The following GPATCH2 variants were observed in gnomAD, a reference collection of about 807,000 sequenced individuals.
The protein encoded by GPATCH2 is G patch domain-containing protein 2.
Under a neutral mutation model 58.0 loss-of-function variants are expected in GPATCH2, and 51 were observed. That is an observed-to-expected ratio of 0.88 (90% CI 0.70 to 1.11). The LOEUF is 1.11. Among genes scored for constraint, GPATCH2 ranks in the 50% most tolerant of loss-of-function variants. The probability of loss-of-function intolerance (pLI) is 0.00; values close to 1 mark genes in which losing one functional copy is unlikely to be tolerated. For synonymous variants in GPATCH2, 222 were observed against 218.5 expected (o/e 1.02, Z -0.14); for missense variants, 625 against 652.2 (o/e 0.96, Z 0.45).
chr1:217,596,672 C>T (rs1196896146), intron 5 of GPATCH2, among the ~76,000 whole-genome samples: 1 of 152,020 alleles, frequency 6.6e-6, no homozygotes, highest in Non-Finnish European at 1.5e-5. Flanking sequence ...AAATATTATA[C>T]TGCCAAACGA....
At position 217,619,866 on chromosome 1, in the gene GPATCH2, T is replaced by C. The variant is rs1302651206; in HGVS notation, c.690A>G (p.Leu230=). Residue 230 remains leucine (L), a synonymous_variant, in exon 2 of 10, where the codon TTA becomes TTG. Transcript: ENST00000366935. ...TGGTCTGGTTCGTTTCCTCACTTTC[T>C]AAAACTACTCCTTCATCTTGGATTT... is the stretch of plus-strand genomic sequence containing the variant. ...GPKIQDEGVV[L]ESEETNQTNK... 15 of 1,613,870 alleles carry C rather than the reference T, an allele frequency of 9.3e-6. No homozygotes were observed. The highest frequency in any genetic ancestry group is 4.2e-6 in the Non-Finnish European group (5 of 1,179,898).
chr1:217,607,001 T>C (rs1156980862), intron 5 of GPATCH2, among the ~76,000 whole-genome samples: 1 of 152,128 alleles, frequency 6.6e-6, no homozygotes, highest in Non-Finnish European at 1.5e-5. Flanking sequence ...AAAATCTAAC[T>C]ACAACTAAAA....
At chr1:217,439,369 T>C (rs1659020321) in intron 9 of GPATCH2, among the ~76,000 whole-genome samples, 1 of 152,148 alleles carries the variant, frequency 6.6e-6, no homozygotes, top group African/African-American at 2.4e-5. Context: ...GCTAAAGCAG[T>C]GTTTAGAGGG....
chr1:217,608,546 GA>G (rs1288789867), intron 5 of GPATCH2: 4 of 985,014 alleles, frequency 4.1e-6, no homozygotes, highest in East Asian at 1.1e-4. Context: ...AATAAGCCTA[GA>G]AAATGGGCTA....
chr1:217,594,882 A>G (rs1667752569), intron 5 of GPATCH2, among the ~76,000 whole-genome samples: 1 of 152,070 alleles, frequency 6.6e-6, no homozygotes, highest in South Asian at 2.1e-4. Flanking sequence ...TGGAGCTGGG[A>G]GTTATACATT....
chr1:217,488,507 C>T (rs1376784259), intron 8 of GPATCH2, among the ~76,000 whole-genome samples: 8 of 151,920 alleles, frequency 5.3e-5, no homozygotes, highest in Admixed American at 2.0e-4. Context: ...TGAGAGCTTT[C>T]TTTATAATGC....
At chr1:217,575,008 G>A (rs1236934878) in intron 5 of GPATCH2, among the ~76,000 whole-genome samples, 1 of 152,128 alleles carries the variant, frequency 6.6e-6, no homozygotes, top group Non-Finnish European at 1.5e-5. Flanking sequence ...GCACTTATAT[G>A]ATTTTTCTTG....
At chr1:217,568,214 T>C (rs569816626) in intron 5 of GPATCH2, among the ~76,000 whole-genome samples, 97 of 152,286 alleles carry the variant, frequency 6.4e-4, no homozygotes, top group African/African-American at 2.3e-3. Flanking sequence ...ATCTACATGA[T>C]GAAATATTAT....
At chr1:217,498,642 A>G (rs1384441343) in intron 6 of GPATCH2, 5 of 576,374 alleles carry the variant, frequency 8.7e-6, no homozygotes, top group Admixed American at 3.2e-5. Flanking sequence ...CCATTTAATT[A>G]TGTTAACATA....
In GPATCH2 at chr1:217,620,040, T is replaced by C; in HGVS notation, c.516A>G (p.Pro172=). 1 of 1,613,574 alleles carries C rather than the reference T, an allele frequency of 6.2e-7. No homozygotes were observed. Among genetic ancestry groups the C allele is most frequent in the Non-Finnish European group, 8.5e-7 (1 of 1,179,522 alleles). ...RKVKRMAVDL[P]QDISNKRTMT... ...TTGTCCGTTTGTTAGAGATGTCCTG[T>C]GGGAGATCTACTGCCATGCGTTTTA... Residue 172 remains proline (P), a synonymous_variant, in exon 2 of 10, where the codon CCA becomes CCG. Transcript: ENST00000366935.
rs111353225 is a variant in GPATCH2 at position 217,625,274 on chromosome 1, C to G, written c.57-4775G>C. ...GAATCCGTTTAAGAATAAGACCAATCAATGTAGAAAACAGAGTTTAGTGTT... is the reference window on the plus strand; with the variant it reads ...GAATCCGTTTAAGAATAAGACCAATGAATGTAGAAAACAGAGTTTAGTGTT... On this transcript the variant is annotated intron_variant, in intron 1 of 9. Coordinates refer to ENST00000366935, the MANE Select transcript of GPATCH2 (RefSeq NM_018040.5). 6.6e-3 allele frequency among the ~76,000 whole-genome samples: 1,006 copies of G among 152,242 alleles called. 7 individuals carry two copies. The highest frequency in any genetic ancestry group is 0.011 in the Non-Finnish European group (721 of 68,010).
Position 217,494,156 on chromosome 1 carries a change from C to T in GPATCH2, c.1207-2406G>A, listed in dbSNP as rs530281549. Among the ~76,000 whole-genome samples, 6 of 152,254 alleles carry T rather than the reference C, an allele frequency of 3.9e-5. No individual in the cohort carries two copies. In the South Asian group the frequency reaches 6.2e-4, roughly 16 times the overall value. On this transcript the variant is annotated intron_variant, in intron 7 of 9. Transcript: ENST00000366935. The stretch of plus-strand genomic sequence containing the variant: ...TTAGATTTATATTATAATGTGTTTT[C>T]TTCCTCAAATGTATAGTTTTGATGG...
At chr1:217,467,941 G>A (rs1020468706) in intron 8 of GPATCH2, among the ~76,000 whole-genome samples, 3 of 152,092 alleles carry the variant, frequency 2.0e-5, no homozygotes, top group Non-Finnish European at 4.4e-5. Flanking sequence ...ATCTCCCATT[G>A]GCCACAGATG....
chr1:217,520,408 A>G (rs1452121007), intron 5 of GPATCH2, among the ~76,000 whole-genome samples: 1 of 152,232 alleles, frequency 6.6e-6, no homozygotes, highest in South Asian at 2.1e-4. Context: ...TTGGAATTTT[A>G]TAAAATCTAA....
At chr1:217,562,050 C>G (rs115448683) in intron 5 of GPATCH2, among the ~76,000 whole-genome samples, 1,681 of 152,264 alleles carry the variant, frequency 0.011, 35 homozygotes, top group African/African-American at 0.038. Context: ...ACCAAAGCCC[C>G]GCAGTGCAAG....
chr1:217,528,353 T>C (rs1664023061), intron 5 of GPATCH2, among the ~76,000 whole-genome samples: 1 of 152,208 alleles, frequency 6.6e-6, no homozygotes, highest in Non-Finnish European at 1.5e-5. Flanking sequence ...AATTTCCATA[T>C]TTTTGCCTTT....
intron 5 of GPATCH2, among the ~76,000 whole-genome samples, chr1:217,591,208 T>C (rs566549285): frequency 6.6e-6 from 1 of 152,170 alleles, no homozygotes; most frequent in African/African-American, 2.4e-5. Flanking sequence ...ATATATATGA[T>C]GAACATATAC....
Position 217,431,018 on chromosome 1 carries a change from T to G in GPATCH2, c.*127A>C. ...CTCACTATGGCAGGACTGTATGCAG[T>G]AAGGAAGCTAGAGTGATGTGTTTGA... On this transcript the variant is annotated 3_prime_UTR_variant, in exon 10 of 10. Coordinates refer to ENST00000366935, the MANE Select transcript of GPATCH2 (RefSeq NM_018040.5). 1 of 684,544 alleles carries G rather than the reference T, an allele frequency of 1.5e-6. No individual in the cohort carries two copies. The highest frequency in any genetic ancestry group is 1.7e-5 in the South Asian group (1 of 58,514). 42.4% of individuals were successfully genotyped at this position (684,544 alleles called of 1,614,324 possible). A position where few individuals can be genotyped will look rare whatever the true frequency, so the allele number is the denominator to read the frequency against.
At chr1:217,490,905 C>G (rs903224766) in intron 8 of GPATCH2, among the ~76,000 whole-genome samples, 2 of 152,100 alleles carry the variant, frequency 1.3e-5, no homozygotes, top group Non-Finnish European at 2.9e-5. Flanking sequence ...TCTGCAGATA[C>G]CCAGTGGGAT....
Sources: allele counts gnomAD v4.1 joint callset (sites outside exome capture counted in the v4.1 genomes callset), GRCh38; gene constraint gnomAD v4.1.1; transcripts MANE v1.5; gene names NCBI Gene and HGNC (gene_info 2026-07-23, HGNC 2026-07-21).